ZNF277: variants seen among roughly 807,000 people sequenced by gnomAD.
The protein encoded by ZNF277 is zinc finger protein 277.
In ZNF277, 55 loss-of-function variants were observed where a neutral mutation model predicts 60.7. The ratio of observed to expected loss-of-function variants is 0.91; its 90% CI spans 0.73 to 1.13. ZNF277 has a LOEUF of 1.13. ZNF277 is among the 50% of genes most tolerant of loss of function. ZNF277 has a pLI of 0.00. For synonymous variants in ZNF277, 178 were observed against 179.3 expected (o/e 0.99, Z 0.06); for missense variants, 510 against 523.0 (o/e 0.98, Z 0.24).
chr7:112,265,511 G>A (rs1350640501), intron 1 of ZNF277, among the ~76,000 whole-genome samples: 2 of 152,002 alleles, frequency 1.3e-5, no homozygotes, highest in Non-Finnish European at 2.9e-5. Flanking sequence ...ATAATAATAC[G>A]AAAAACTTTG....
intron 2 of ZNF277, 26 bp downstream of exon 2, chr7:112,287,100 G>T (rs765833969): frequency 1.9e-6 from 3 of 1,610,800 alleles, no homozygotes; most frequent in South Asian, 2.2e-5. Flanking sequence ...GTCCTTAAAA[G>T]AATTAAATTT....
chr7:112,265,380 A>G (rs1245786677), intron 1 of ZNF277, among the ~76,000 whole-genome samples: 1 of 152,190 alleles, frequency 6.6e-6, no homozygotes. Flanking sequence ...GAGCAGTAAG[A>G]ACACACACGT....
At chr7:112,273,195 C>A (rs1336843679) in intron 1 of ZNF277, among the ~76,000 whole-genome samples, 3 of 152,148 alleles carry the variant, frequency 2.0e-5, no homozygotes, top group African/African-American at 7.2e-5. Context: ...CCCAAGTGCA[C>A]TTTAGCCCGT....
At chr7:112,243,483 GAA>G (rs570341286) in intron 1 of ZNF277, among the ~76,000 whole-genome samples, 1 of 101,104 alleles carries the variant, frequency 9.9e-6, no homozygotes, top group African/African-American at 3.7e-5. Context: ...AACTAAACAA[GAA>G]AAAAAAAAAA....
chr7:112,331,547 T>C (rs1793229571), intron 7 of ZNF277, among the ~76,000 whole-genome samples: 2 of 152,186 alleles, frequency 1.3e-5, no homozygotes, highest in African/African-American at 4.8e-5. Flanking sequence ...ATCTCTGCTT[T>C]AGGGTGGAAT....
chr7:112,339,554 G>C (rs1389284186), intron 9 of ZNF277, among the ~76,000 whole-genome samples: 1 of 152,180 alleles, frequency 6.6e-6, no homozygotes, highest in Admixed American at 6.5e-5. Flanking sequence ...CCTGACCTCG[G>C]GTGATCCGCC....
At chr7:112,269,114 A>T (rs920563032) in intron 1 of ZNF277, among the ~76,000 whole-genome samples, 1 of 152,144 alleles carries the variant, frequency 6.6e-6, no homozygotes, top group African/African-American at 2.4e-5. Flanking sequence ...GTATAGAACC[A>T]TATGGACAAT....
intron 1 of ZNF277, among the ~76,000 whole-genome samples, chr7:112,216,029 C>A (rs1459806128): frequency 6.6e-6 from 1 of 152,152 alleles, no homozygotes. Flanking sequence ...CTGTCTTTGC[C>A]AAGGCACTGT....
intron 1 of ZNF277, among the ~76,000 whole-genome samples, chr7:112,212,997 G>T (rs1427858641): frequency 6.6e-6 from 1 of 152,132 alleles, no homozygotes; most frequent in African/African-American, 2.4e-5. Flanking sequence ...AACTACTCTT[G>T]TAGGTCTTGT....
intron 9 of ZNF277, among the ~76,000 whole-genome samples, chr7:112,339,396 G>T (rs1337290278): frequency 6.6e-6 from 1 of 152,166 alleles, no homozygotes; most frequent in African/African-American, 2.4e-5. Flanking sequence ...TCAGCTCACT[G>T]CAACCTCTGC....
At chr7:112,223,415 G>A (rs1175186211) in intron 1 of ZNF277, among the ~76,000 whole-genome samples, 1 of 152,178 alleles carries the variant, frequency 6.6e-6, no homozygotes, top group Non-Finnish European at 1.5e-5. Flanking sequence ...AGAGACTGAG[G>A]TCAACAGGTC....
chr7:112,267,374 T>C (rs919372820), intron 1 of ZNF277, among the ~76,000 whole-genome samples: 1 of 152,232 alleles, frequency 6.6e-6, no homozygotes, highest in African/African-American at 2.4e-5. Flanking sequence ...CTTTTGATGC[T>C]GATCTCATCT....
rs869082099 is a variant in ZNF277, at chr7:112,208,674, A to ATTTTTTTTTTTTTTTTTT, written c.91+1874_91+1891dup. Among the ~76,000 whole-genome samples, 20 of 72,808 alleles carry ATTTTTTTTTTTTTTTTTT rather than the reference A, an allele frequency of 2.7e-4. 3 individuals carry two copies. The highest frequency in any genetic ancestry group is 1.0e-3 in the African/African-American group (17 of 16,736). 47.8% of individuals were successfully genotyped at this position (72,808 alleles called of 152,430 possible). A position where few individuals can be genotyped will look rare whatever the true frequency, so the allele number is the denominator to read the frequency against. On this transcript the variant is annotated intron_variant, in intron 1 of 11. Transcript: ENST00000361822. ...ATATGACACACGTCTGTATGATTTG[A>ATTTTTTTTTTTTTTTTTT]TTTTTTTTTTTTTTTTTTTTTTTTG...
intron 7 of ZNF277, among the ~76,000 whole-genome samples, chr7:112,333,825 A>G (rs937406358): frequency 3.9e-5 from 6 of 152,240 alleles, no homozygotes; most frequent in Non-Finnish European, 7.3e-5. Context: ...TCTCACAAAC[A>G]AAAGAGTTCA....
intron 1 of ZNF277, 29 bp from the exon 2 acceptor site, chr7:112,286,844 T>A (rs1398469354): frequency 1.6e-6 from 1 of 617,204 alleles, no homozygotes; most frequent in Non-Finnish European, 2.2e-6. Flanking sequence ...TTTCTTTCTT[T>A]TTTTTTTTTT....
At chr7:112,297,835 G>T (rs1030415921) in intron 4 of ZNF277, among the ~76,000 whole-genome samples, 22 of 152,146 alleles carry the variant, frequency 1.4e-4, no homozygotes, top group Non-Finnish European at 4.4e-5. Flanking sequence ...TAGTCCTAAG[G>T]ATTTATTTAT....
intron 1 of ZNF277, among the ~76,000 whole-genome samples, chr7:112,274,721 T>G (rs187755742): frequency 1.5e-3 from 221 of 152,348 alleles, no homozygotes; most frequent in Non-Finnish European, 1.5e-3. Context: ...ACTCATTTCA[T>G]TAAAGTATTA....
At chr7:112,236,385 T>C (rs1790786282) in intron 1 of ZNF277, among the ~76,000 whole-genome samples, 1 of 152,072 alleles carries the variant, frequency 6.6e-6, no homozygotes, top group Admixed American at 6.6e-5. Context: ...ACTACTCTGG[T>C]CAGGTAGAGT....
intron 5 of ZNF277, among the ~76,000 whole-genome samples, chr7:112,325,311 T>C (rs66788052): frequency 0.26 from 39,715 of 152,020 alleles, 5,964 homozygotes; most frequent in African/African-American, 0.41. Context: ...GTTCAGAGCA[T>C]GGGACCAAGT....
Sources: allele counts gnomAD v4.1 joint callset (sites outside exome capture counted in the v4.1 genomes callset), GRCh38; gene constraint gnomAD v4.1.1; transcripts MANE v1.5; gene names NCBI Gene and HGNC (gene_info 2026-07-23, HGNC 2026-07-21).